Variants in POLE2 observed in about 807,000 individuals in gnomAD.
POLE2 encodes DNA polymerase epsilon subunit 2.
In POLE2, 56 loss-of-function variants were observed where a neutral mutation model predicts 79.4. The observed-to-expected ratio is 0.71, with a 90% confidence interval of 0.57 to 0.88. The LOEUF (loss-of-function observed/expected upper bound fraction) is 0.88, where lower values mean the gene tolerates loss of function less well. Among genes scored for constraint, POLE2 ranks in the 40% least tolerant of loss-of-function variants. The pLI is 0.00. For synonymous variants in POLE2, 212 were observed against 214.0 expected, an observed-to-expected ratio of 0.99 and a Z score of 0.08; for missense variants, 598 against 638.9, an observed-to-expected ratio of 0.94 and a Z score of 0.69.
At chr14:49,679,444 A>C in intron 3 of POLE2, 1 of 315,378 alleles carries the variant, frequency 3.2e-6, no homozygotes. Flanking sequence ...CATTTGTAGC[A>C]TACAGAATAA....
At position 49,654,185 on chromosome 14, in the gene POLE2, T is replaced by C. The variant is rs1361960816; in HGVS notation, c.1103A>G (p.Glu368Gly). 1.2e-6 allele frequency: 2 copies of C among 1,611,418 alleles called. No homozygotes were observed. Among genetic ancestry groups the C allele is most frequent in the South Asian group, 1.1e-5 (1 of 90,584 alleles). ...SSRFVFVPGPEDPGFGSILPR... is the reference protein window; with the variant it reads ...SSRFVFVPGPGDPGFGSILPR... ...TAAGATGGAACCAAATCCAGGATCC[T>C]CTGGACCAGGTACAAACACAAAACG... Residue 368 changes from glutamate to glycine, a missense_variant, in exon 14 of 19, where the codon GAG (glutamate) becomes GGG (glycine). Transcript: ENST00000216367.
rs150261744 is a variant in POLE2 at position 49,669,177 on chromosome 14, T to C, written c.492+347A>G. 3.1e-3 allele frequency among the ~76,000 whole-genome samples: 466 copies of C among 152,282 alleles called. 3 individuals are homozygous for C. The highest frequency in any genetic ancestry group is 0.011 in the African/African-American group (449 of 41,556). On this transcript the variant is annotated intron_variant, in intron 6 of 18. Coordinates refer to ENST00000216367, the MANE Select transcript of POLE2 (RefSeq NM_002692.4). ...GAACCAGCATTTGAGTTCCTTAGTG[T>C]TATGGTCACTAAGGGATGAGTGAGG...
At chr14:49,683,070 G>A (rs1385945957) in intron 2 of POLE2, among the ~76,000 whole-genome samples, 1 of 151,412 alleles carries the variant, frequency 6.6e-6, no homozygotes, top group Non-Finnish European at 1.5e-5. Context: ...TCATCCTGAG[G>A]TTCCAACTAA....
chr14:49,687,843 G>A (rs1171908164), intron 1 of POLE2, among the ~76,000 whole-genome samples: 1 of 152,052 alleles, frequency 6.6e-6, no homozygotes, highest in Non-Finnish European at 1.5e-5. Flanking sequence ...GGGACTACAA[G>A]CGCGCGCCAC....
intron 17 of POLE2, among the ~76,000 whole-genome samples, chr14:49,649,063 A>C (rs1198450253): frequency 6.6e-6 from 1 of 151,868 alleles, no homozygotes; most frequent in Non-Finnish European, 1.5e-5. Flanking sequence ...ATTTTGTTTG[A>C]CATAACTGTG....
chr14:49,652,861 C>T (rs189774566), intron 15 of POLE2, among the ~76,000 whole-genome samples: 2 of 152,192 alleles, frequency 1.3e-5, no homozygotes, highest in African/African-American at 4.8e-5. Flanking sequence ...CCCCACCCCC[C>T]CTGGCGTCTG....
rs955615746 is a variant in POLE2 at position 49,655,660 on chromosome 14, A to G, written c.928+11T>C. On this transcript the variant is annotated intron_variant, in intron 11 of 18. Coordinates refer to ENST00000216367, the MANE Select transcript of POLE2 (RefSeq NM_002692.4). The stretch of plus-strand genomic sequence containing the variant: ...AAGAGTTCAAGAAAGAAGAAAAAAA[A>G]TAAGACCTACCAGCAAACATTATGC... 2.5e-6 allele frequency: 4 copies of G among 1,588,018 alleles called. No individual in the cohort carries two copies. The highest frequency in any genetic ancestry group is 1.9e-5 in the Admixed American group (1 of 52,840).
chr14:49,673,101 C>T (rs976923271), intron 5 of POLE2, among the ~76,000 whole-genome samples: 1 of 152,146 alleles, frequency 6.6e-6, no homozygotes, highest in Non-Finnish European at 1.5e-5. Flanking sequence ...TCCTTCACAT[C>T]CAGACAGTCA....
intron 2 of POLE2, among the ~76,000 whole-genome samples, chr14:49,680,761 T>C (rs1164750557): frequency 6.6e-6 from 1 of 151,962 alleles, no homozygotes; most frequent in Non-Finnish European, 1.5e-5. Flanking sequence ...CATTTTCTTT[T>C]TTTTTTTTTT....
intron 3 of POLE2, chr14:49,677,437 T>C (rs1886362669): frequency 4.3e-6 from 2 of 467,912 alleles, no homozygotes; most frequent in African/African-American, 2.0e-5. Flanking sequence ...AGCCCACCAC[T>C]ATCTTGCTTG....
chr14:49,651,055 G>A (rs1884185106), intron 16 of POLE2, among the ~76,000 whole-genome samples: 1 of 139,956 alleles, frequency 7.1e-6, no homozygotes. Context: ...CTTATTCTCA[G>A]CTTTTCTCTG....
At chr14:49,677,705 AGT>A in intron 3 of POLE2, 1 of 1,379,180 alleles carries the variant, frequency 7.3e-7, no homozygotes, top group Non-Finnish European at 9.9e-7. Context: ...GAAACGTGAC[AGT>A]GTGGCCCTTG....
intron 8 of POLE2, 151 bp from the exon 9 acceptor site, chr14:49,664,825 T>G (rs1226352803): frequency 8.1e-6 from 5 of 620,456 alleles, no homozygotes; most frequent in Non-Finnish European, 1.4e-5. Flanking sequence ...GCTTAAAAAA[T>G]TTTAGTTTTA....
chr14:49,646,163 T>C (rs1338105820), intron 18 of POLE2, among the ~76,000 whole-genome samples: 1 of 152,156 alleles, frequency 6.6e-6, no homozygotes, highest in Non-Finnish European at 1.5e-5. Flanking sequence ...TTGAAAATTA[T>C]TCATTTTATA....
chr14:49,664,557 A>G (rs2139649034), intron 9 of POLE2, 69 bp downstream of exon 9: 1 of 993,804 alleles, frequency 1.0e-6, no homozygotes, highest in Admixed American at 1.9e-5. Context: ...ATGTTAACAT[A>G]TTTTACCCAA....
intron 3 of POLE2, chr14:49,677,584 C>A: frequency 2.0e-6 from 1 of 508,364 alleles, no homozygotes; most frequent in Non-Finnish European, 3.5e-6. Flanking sequence ...AGCCCTAGAG[C>A]TCTTCCCTGA....
At chr14:49,684,380 G>C (rs1319076661) in intron 1 of POLE2, among the ~76,000 whole-genome samples, 1 of 151,826 alleles carries the variant, frequency 6.6e-6, no homozygotes, top group Admixed American at 6.6e-5. Context: ...CAGGAGAATG[G>C]CGTGAACCCG....
At chr14:49,647,219 G>A in intron 18 of POLE2, 74 bp downstream of exon 18, 1 of 795,916 alleles carries the variant, frequency 1.3e-6, no homozygotes, top group Non-Finnish European at 2.1e-6. Context: ...CCAACACACT[G>A]ATAGAACATC....
chr14:49,654,764 A>G lies in POLE2; in HGVS notation c.1073+20T>C. The G allele has an allele frequency of 2.0e-6, 3 of 1,467,330 alleles. No individual in the cohort carries two copies. The highest frequency in any genetic ancestry group is 2.7e-6 in the Non-Finnish European group (3 of 1,114,494). 90.9% of individuals were successfully genotyped at this position (1,467,330 alleles called of 1,614,324 possible). A position where few individuals can be genotyped will look rare whatever the true frequency, so the allele number is the denominator to read the frequency against. ...TTTAAGTAAAACGGTGAAAAAATAT[A>G]TAGTGCTAGAGATCATTACCTTTGG... On this transcript the variant is annotated intron_variant, in intron 13 of 18. Coordinates refer to ENST00000216367, the MANE Select transcript of POLE2 (RefSeq NM_002692.4).
Sources: allele counts gnomAD v4.1 joint callset (sites outside exome capture counted in the v4.1 genomes callset), GRCh38; gene constraint gnomAD v4.1.1; transcripts MANE v1.5; gene names NCBI Gene and HGNC (gene_info 2026-07-23, HGNC 2026-07-21).